TTC31: variants seen among roughly 807,000 people sequenced by gnomAD.
TTC31 encodes tetratricopeptide repeat protein 31.
A neutral mutation model predicts 60.4 loss-of-function variants in TTC31; 59 were observed. The observed-to-expected ratio is 0.98, with a 90% CI of 0.79 to 1.21. The LOEUF (loss-of-function observed/expected upper bound fraction) is 1.21, where lower values mean the gene tolerates loss of function less well. Among genes scored for constraint, TTC31 ranks in the 50% most tolerant of loss-of-function variants. The pLI is 0.00. For synonymous variants in TTC31, 225 were observed against 249.6 expected (o/e 0.90, Z 0.93); for missense variants, 672 against 646.9 (o/e 1.04, Z -0.42).
At chr2:74,483,644 C>CTCTGA (rs556659631) in intron 2 of TTC31, 581 of 1,368,674 alleles carry the variant, frequency 4.2e-4, no homozygotes, top group Non-Finnish European at 5.3e-4. Flanking sequence ...AGACAAGGGT[C>CTCTGA]TCTGAGTTGA....
chr2:74,488,455 T>A (rs1673407406), intron 2 of TTC31, among the ~76,000 whole-genome samples: 1 of 152,180 alleles, frequency 6.6e-6, no homozygotes, highest in Admixed American at 6.5e-5. Flanking sequence ...ATTAGGCAAA[T>A]AGGAATGTGA....
At chr2:74,491,009 A>G (rs2104240757) in intron 5 of TTC31, 119 bp from the exon 6 acceptor site, 2 of 1,388,122 alleles carry the variant, frequency 1.4e-6, no homozygotes, top group Non-Finnish European at 1.0e-6. Context: ...CACCTGCAAA[A>G]TGAGGATAAT....
In TTC31 at chr2:74,492,291, C is replaced by G; in HGVS notation, c.1020-13C>G. 6.2e-7 allele frequency: 1 copy of G among 1,602,964 alleles called. No individual in the cohort carries two copies. Among genetic ancestry groups the G allele is most frequent in the Non-Finnish European group, 8.5e-7 (1 of 1,172,360 alleles). On this transcript the variant is annotated splice_polypyrimidine_tract_variant and intron_variant, in intron 10 of 12. Coordinates refer to ENST00000233623, the MANE Select transcript of TTC31 (RefSeq NM_022492.6). ...GAGGACTCAGACCTTTGGCCACCTT[C>G]TGTCTTTATCAGGTTATTTGGAAAT...
rs6707475 is a variant in TTC31 at position 74,483,364 on chromosome 2, C to T, written c.83C>T (p.Ala28Val). 336,971 of 1,614,018 alleles carry T rather than the reference C, an allele frequency of 0.21. 62,114 individuals are homozygous for T. Among genetic ancestry groups the T allele is most frequent in the East Asian group, 0.83 (37,330 of 44,882 alleles). Residue 28 changes from alanine (A) to valine (V), a missense_variant, in exon 2 of 13, where the codon GCA becomes GTA. Transcript: ENST00000233623. ...RPSCPLEVAA[A>V]PKLCKEFGPE... ...AGCTGCCCACTGGAGGTCGCTGCTG[C>T]ACCCAAACTTTGCAAGGAATTCGGT...
chr2:74,491,077 C>T (rs761465134), intron 5 of TTC31, 51 bp from the exon 6 acceptor site: 13 of 1,607,964 alleles, frequency 8.1e-6, no homozygotes, highest in East Asian at 4.5e-5. Flanking sequence ...GCCCAGCACA[C>T]GACATACAGT....
chr2:74,490,253 T>C lies in TTC31; in HGVS notation c.242T>C (p.Leu81Pro). The C allele has an allele frequency of 6.2e-7, 1 of 1,613,890 alleles. No homozygotes were observed. The highest frequency in any genetic ancestry group is 8.5e-7 in the Non-Finnish European group (1 of 1,179,860). Residue 81 changes from leucine to proline, a missense_variant, in exon 4 of 13, where the codon CTG becomes CCG. By Grantham distance (98) the Leu-to-Pro change is moderately conservative. Transcript: ENST00000233623. ...RLQLWHHDYLLGHLDDEGKST... is the reference protein window; with the variant it reads ...RLQLWHHDYLPGHLDDEGKST... ...TTCTCCCTCCTGACAGATTACCTCC[T>C]GGGCCACTTGGATGATGAAGGGAAA... is the stretch of plus-strand genomic sequence containing the variant.
Position 74,483,525 on chromosome 2 carries a change from G to A in TTC31, c.129+115G>A, listed in dbSNP as rs541284003. 1.9e-6 allele frequency: 3 copies of A among 1,560,376 alleles called. No homozygotes were observed. In the African/African-American group the frequency reaches 4.1e-5, roughly 21 times the overall value. ...GCCAGACGGGGCTCTGGAGGCTTTG[G>A]GGAGTTGTAGTCTCCGGCCATGCCC... On this transcript the variant is annotated intron_variant, in intron 2 of 12. Coordinates refer to ENST00000233623, the MANE Select transcript of TTC31 (RefSeq NM_022492.6).
Position 74,492,070 on chromosome 2 carries a change from C to G in TTC31, c.928+15C>G, listed in dbSNP as rs1558585880. The stretch of plus-strand genomic sequence containing the variant: ...GGAACTGGCAAGTGAGATCCTTTCT[C>G]TCTCCGTCCTCACCCCACCCTCCCT... On this transcript the variant is annotated intron_variant, in intron 9 of 12. Transcript: ENST00000233623. The G allele has an allele frequency of 6.2e-7, 1 of 1,614,194 alleles. No individual in the cohort carries two copies. Among genetic ancestry groups the G allele is most frequent in the Non-Finnish European group, 8.5e-7 (1 of 1,180,006 alleles).
chr2:74,489,940 TG>T, intron 2 of TTC31, 84 bp from the exon 3 acceptor site: 1 of 967,684 alleles, frequency 1.0e-6, no homozygotes, highest in Non-Finnish European at 1.6e-6. Flanking sequence ...GCTGCCATGG[TG>T]GAGAGATCAA....
intron 2 of TTC31, among the ~76,000 whole-genome samples, chr2:74,486,368 T>C (rs573749772): frequency 2.0e-4 from 30 of 152,296 alleles, no homozygotes; most frequent in African/African-American, 7.2e-4. Flanking sequence ...CTCTGTTTAC[T>C]CAGCACACAC....
rs1558583662 is a variant in TTC31, at chr2:74,490,366, G to A, written c.355G>A (p.Glu119Lys). ...LRKSFLYPPQ[E>K]SEPCPQSPSA... ...CAAGTCCTTCCTGTATCCTCCCCAA[G>A]AGTCTGAGCCCTGCCCTCAAAGCCC... Residue 119 changes from glutamate (E) to lysine (K), a missense_variant, in exon 4 of 13, where the codon GAG (glutamate) becomes AAG (lysine). Physicochemically the swap from Glu to Lys is moderately conservative, Grantham distance 56. Coordinates refer to ENST00000233623, the MANE Select transcript of TTC31 (RefSeq NM_022492.6). 1.2e-6 allele frequency: 2 copies of A among 1,614,070 alleles called. No homozygotes were observed. Among genetic ancestry groups the A allele is most frequent in the Non-Finnish European group, 1.7e-6 (2 of 1,179,998 alleles).
intron 2 of TTC31, among the ~76,000 whole-genome samples, chr2:74,485,276 G>A (rs1335125076): frequency 6.6e-6 from 1 of 151,180 alleles, no homozygotes; most frequent in Admixed American, 6.6e-5. Context: ...TACCCATCTC[G>A]GCCTCCCAAA....
At position 74,493,259 on chromosome 2, in the gene TTC31, C is replaced by A. The variant is rs760139787; in HGVS notation, c.*41C>A. ...TCATAGGGCAGGGCCATGTATATAT[C>A]CCTTGGTGGGGGACATAGTGTGGTG... On this transcript the variant is annotated 3_prime_UTR_variant, in exon 13 of 13. Coordinates refer to ENST00000233623, the MANE Select transcript of TTC31 (RefSeq NM_022492.6). The A allele has an allele frequency of 6.3e-7, 1 of 1,591,486 alleles. No individual in the cohort carries two copies. The highest frequency in any genetic ancestry group is 1.7e-5 in the Admixed American group (1 of 59,038).
Position 74,491,510 on chromosome 2 carries a change from G to A in TTC31, c.714G>A (p.Val238=). The change falls in exon 8 of 13, where the codon GTG becomes GTA. Residue 238 remains valine, a synonymous_variant. Transcript: ENST00000233623. ...CACTGGATCTATCTAGCACTTTTGT[G>A]TCTCTGGCTTTGCGCAAGGTTGGGG... ...EDSLDLSSTF[V]SLALRKVGDW... The A allele has an allele frequency of 6.2e-7, 1 of 1,611,730 alleles. No individual in the cohort carries two copies. The highest frequency in any genetic ancestry group is 8.5e-7 in the Non-Finnish European group (1 of 1,179,576).
intron 2 of TTC31, among the ~76,000 whole-genome samples, chr2:74,486,300 A>T (rs1673100527): frequency 6.6e-6 from 1 of 151,940 alleles, no homozygotes; most frequent in African/African-American, 2.4e-5. Flanking sequence ...TGTGTCACAC[A>T]TGTTTCTTCA....
At chr2:74,487,946 C>T (rs1236015561) in intron 2 of TTC31, among the ~76,000 whole-genome samples, 1 of 152,190 alleles carries the variant, frequency 6.6e-6, no homozygotes, top group East Asian at 1.9e-4. Flanking sequence ...TCCCAAAGTG[C>T]TGGGATTACA....
At chr2:74,489,255 G>A (rs1354562788) in intron 2 of TTC31, among the ~76,000 whole-genome samples, 2 of 152,252 alleles carry the variant, frequency 1.3e-5, no homozygotes, top group African/African-American at 4.8e-5. Flanking sequence ...GGAAGGCTTT[G>A]AAGGGAGATA....
intron 2 of TTC31, among the ~76,000 whole-genome samples, chr2:74,489,132 A>G (rs113013098): frequency 1.4e-4 from 21 of 152,346 alleles, no homozygotes; most frequent in Admixed American, 3.3e-4. Context: ...TGCCTGGCCA[A>G]TGAGGAGAGC....
Position 74,493,172 on chromosome 2 carries a change from G to A in TTC31, c.1514G>A (p.Trp505Ter). Reference protein sequence around the residue: ...PLKPQDPSKGWDILGLGLQHL... With the variant: ...PLKPQDPSKG The stretch of plus-strand genomic sequence containing the variant: ...AAGCCCCAGGACCCTTCAAAGGGCT[G>A]GGACATCCTGGGACTTGGGCTCCAG... Residue 505 changes from tryptophan (W) to a stop codon, truncating the protein, a stop_gained, in exon 13 of 13, where the codon TGG becomes TAG. Coordinates refer to ENST00000233623, the MANE Select transcript of TTC31 (RefSeq NM_022492.6). LOFTEE classifies it high-confidence loss of function. 6.2e-7 allele frequency: 1 copy of A among 1,614,178 alleles called. No homozygotes were observed. Among genetic ancestry groups the A allele is most frequent in the South Asian group, 1.1e-5 (1 of 91,080 alleles).
Sources: allele counts gnomAD v4.1 joint callset (sites outside exome capture counted in the v4.1 genomes callset), GRCh38; gene constraint gnomAD v4.1.1; transcripts MANE v1.5; gene names NCBI Gene and HGNC (gene_info 2026-07-23, HGNC 2026-07-21).